LYN: variants seen among roughly 807,000 people sequenced by gnomAD.
LYN encodes the protein tyrosine-protein kinase Lyn.
In LYN, 12 loss-of-function variants were observed where a neutral mutation model predicts 65.0. The ratio of observed to expected loss-of-function variants is 0.18; its 90% confidence interval spans 0.12 to 0.30. The LOEUF is 0.30. Ranked by LOEUF, LYN falls within the 10% of genes least tolerant of loss-of-function variation. LYN has a pLI of 1.00. For missense variants in LYN, 380 were observed against 623.2 expected, an observed-to-expected ratio of 0.61 and a Z score of 4.16; for synonymous variants, 222 against 221.2, an observed-to-expected ratio of 1.00 and a Z score of -0.03.
intron 1 of LYN, among the ~76,000 whole-genome samples, chr8:55,901,604 T>C (rs1261582582): frequency 6.6e-6 from 1 of 152,070 alleles, no homozygotes; most frequent in Non-Finnish European, 1.5e-5. Flanking sequence ...TCTTGCTCTG[T>C]GGGGTCAGGT....
chr8:55,952,150 A>C lies in LYN; in HGVS notation c.637+35A>C, dbSNP rs1327074358. 6.5e-6 allele frequency: 10 copies of C among 1,537,728 alleles called. No individual in the cohort carries two copies. The Admixed American group carries it at 1.3e-4, about 21-fold the overall frequency. On this transcript the variant is annotated intron_variant, in intron 7 of 12. Transcript: ENST00000519728. Reference sequence around the variant, plus strand: ...AACTGAAGGTTCAACAAGACAAGATATATTTGTTATGATATGTATAAGACG... The same window carrying C: ...AACTGAAGGTTCAACAAGACAAGATCTATTTGTTATGATATGTATAAGACG...
intron 8 of LYN, among the ~76,000 whole-genome samples, chr8:55,961,621 T>G (rs1046602477): frequency 3.3e-5 from 5 of 152,154 alleles, no homozygotes; most frequent in Non-Finnish European, 5.9e-5. Flanking sequence ...CCCCTAACCT[T>G]GGAAAGCGTT....
chr8:56,002,434 A>C (rs1206933735), intron 12 of LYN, among the ~76,000 whole-genome samples: 1 of 150,776 alleles, frequency 6.6e-6, no homozygotes, highest in African/African-American at 2.4e-5. Context: ...AATAAAAAAA[A>C]AAAGAATAAA....
At chr8:55,935,540 G>T (rs1297462628) in intron 1 of LYN, among the ~76,000 whole-genome samples, 1 of 152,090 alleles carries the variant, frequency 6.6e-6, no homozygotes, top group Non-Finnish European at 1.5e-5. Context: ...TTGGGAGGCC[G>T]AGGCGGGTGT....
chr8:56,009,876 GT>G (rs772974101), intron 12 of LYN, 31 bp from the exon 13 acceptor site: 1 of 1,595,178 alleles, frequency 6.3e-7, no homozygotes. Context: ...AACGGCATGG[GT>G]TTCTGTTCTT....
intron 12 of LYN, among the ~76,000 whole-genome samples, chr8:56,002,965 G>T (rs1808560225): frequency 6.6e-6 from 1 of 151,976 alleles, no homozygotes; most frequent in Admixed American, 6.5e-5. Flanking sequence ...TTTCCACACG[G>T]TTATAAAACT....
At chr8:55,913,992 G>T (rs1443852903) in intron 1 of LYN, among the ~76,000 whole-genome samples, 1 of 152,144 alleles carries the variant, frequency 6.6e-6, no homozygotes, top group Non-Finnish European at 1.5e-5. Context: ...TATCAGATGA[G>T]CAATGAGCAG....
intron 8 of LYN, among the ~76,000 whole-genome samples, chr8:55,961,653 C>G (rs1004256968): frequency 6.6e-6 from 1 of 152,150 alleles, no homozygotes; most frequent in Non-Finnish European, 1.5e-5. Context: ...GTCCTTTACT[C>G]ATACTTTTCT....
chr8:55,946,999 G>A (rs1563523446), intron 3 of LYN, among the ~76,000 whole-genome samples: 1 of 152,226 alleles, frequency 6.6e-6, no homozygotes, highest in Non-Finnish European at 1.5e-5. Context: ...TGTAATCCCA[G>A]CACTTTGGGA....
chr8:56,003,595 A>G (rs532994021), intron 12 of LYN, among the ~76,000 whole-genome samples: 1 of 152,154 alleles, frequency 6.6e-6, no homozygotes, highest in African/African-American at 2.4e-5. Flanking sequence ...TGAATGCTTG[A>G]ACCCAGGAGA....
chr8:55,947,783 C>CACACCACA (rs1171423964), intron 4 of LYN, 60 bp downstream of exon 4: 1 of 1,169,562 alleles, frequency 8.6e-7, no homozygotes, highest in African/African-American at 1.5e-5. Context: ...GTCCTGCAGG[C>CACACCACA]TGTCCCCTTG....
intron 1 of LYN, among the ~76,000 whole-genome samples, chr8:55,908,487 C>T (rs1171302928): frequency 4.6e-5 from 7 of 152,042 alleles, no homozygotes; most frequent in Non-Finnish European, 8.8e-5. Context: ...TCAGGTGATC[C>T]GCCCACCTCA....
Position 56,010,584 on chromosome 8 carries a change from A to C in LYN, c.*474A>C, listed in dbSNP as rs956677753. ...TGGCTTACTTGTTTAAAAAAAAAAA[A>C]AAACTAATCCAACCTGTTAGATTTT... is the stretch of plus-strand genomic sequence containing the variant. On this transcript the variant is annotated 3_prime_UTR_variant, in exon 13 of 13. Transcript: ENST00000519728. 26 of 233,340 alleles carry C rather than the reference A, an allele frequency of 1.1e-4. No homozygotes were observed. The highest frequency in any genetic ancestry group is 2.5e-3 in the Middle Eastern group (2 of 794). 14.5% of individuals were successfully genotyped at this position (233,340 alleles called of 1,614,324 possible).
intron 1 of LYN, among the ~76,000 whole-genome samples, chr8:55,940,777 G>C (rs1188372128): frequency 1.3e-5 from 2 of 152,212 alleles, no homozygotes; most frequent in Non-Finnish European, 2.9e-5. Context: ...TGCGTGTGTA[G>C]TGCTCAGCCG....
intron 12 of LYN, among the ~76,000 whole-genome samples, chr8:56,008,917 C>A (rs1355224522): frequency 6.6e-6 from 1 of 152,162 alleles, no homozygotes; most frequent in Non-Finnish European, 1.5e-5. Flanking sequence ...ACAGTGACAT[C>A]CACAAGATAT....
At chr8:55,905,415 AAAAGAAAGAAAG>A (rs869260792) in intron 1 of LYN, among the ~76,000 whole-genome samples, 1 of 4,244 alleles carries the variant, frequency 2.4e-4, no homozygotes, top group Non-Finnish European at 8.5e-4. Flanking sequence ...GTCTCAAAAA[AAAAGAAAGAAAG>A]AAAGAAAGAA....
chr8:55,989,816 T>C (rs1162109401), intron 10 of LYN, among the ~76,000 whole-genome samples: 1 of 152,122 alleles, frequency 6.6e-6, no homozygotes, highest in Non-Finnish European at 1.5e-5. Context: ...ATCTTACACA[T>C]TTTAGGGAGA....
rs1314809224 is a variant in LYN, at chr8:55,947,687, C to G, written c.248C>G (p.Ser83Cys). ...GATGGCATCCACCCGGACGACTTGT[C>G]TTTCAAGAAAGGAGAGAAGATGAAA... is the stretch of plus-strand genomic sequence containing the variant. ...PYDGIHPDDL[S>C]FKKGEKMKVL... is the part of the protein sequence containing the mutation. Residue 83 changes from serine to cysteine, a missense_variant, in exon 4 of 13, where the codon TCT becomes TGT. This residue lies in a region of LYN where 157 missense variants were observed against 193.2 expected (regional missense o/e 0.81). Coordinates refer to ENST00000519728, the MANE Select transcript of LYN (RefSeq NM_002350.4). The G allele has an allele frequency of 8.7e-6, 14 of 1,613,878 alleles. No individual in the cohort carries two copies. The highest frequency in any genetic ancestry group is 4.4e-5 in the South Asian group (4 of 91,084).
chr8:55,909,501 G>A (rs569999347), intron 1 of LYN, among the ~76,000 whole-genome samples: 1 of 152,312 alleles, frequency 6.6e-6, no homozygotes, highest in South Asian at 2.1e-4. Context: ...CTAGTCATCC[G>A]CTGATGGACA....
Sources: allele counts gnomAD v4.1 joint callset (sites outside exome capture counted in the v4.1 genomes callset), GRCh38; gene constraint gnomAD v4.1.1; regional missense constraint gnomAD v4.1.1; transcripts MANE v1.5; gene names NCBI Gene and HGNC (gene_info 2026-07-23, HGNC 2026-07-21).